Variants in MED23 observed in about 807,000 individuals in gnomAD.
The protein encoded by MED23 is mediator of RNA polymerase II transcription subunit 23.
Under a neutral mutation model 163.9 loss-of-function variants are expected in MED23, and 105 were observed. That is an observed-to-expected ratio of 0.64 (90% CI 0.55 to 0.75). MED23 has a LOEUF of 0.75. Among genes scored for constraint, MED23 ranks in the 30% least tolerant of loss-of-function variants. MED23 has a pLI of 0.00. For missense variants in MED23, 1,054 were observed against 1,649.0 expected, an observed-to-expected ratio of 0.64 and a Z score of 6.25; for synonymous variants, 561 against 565.6, an observed-to-expected ratio of 0.99 and a Z score of 0.12.
chr6:131,623,984 G>T (rs866549650), intron 4 of MED23, among the ~76,000 whole-genome samples: 2 of 151,996 alleles, frequency 1.3e-5, no homozygotes, highest in African/African-American at 4.8e-5. Context: ...TTTTTTACTT[G>T]TATGAAAGAT....
intron 10 of MED23, among the ~76,000 whole-genome samples, chr6:131,615,535 A>AAAAAAAAAAAAT (rs1776619084): frequency 7.0e-6 from 1 of 142,870 alleles, no homozygotes; most frequent in Non-Finnish European, 1.5e-5. Context: ...AAAAAAAAAA[A>AAAAAAAAAAAAT]TCAGCAAGAA....
downstream of MED23, chr6:131,582,641 C>T (rs752966614): frequency 5.0e-6 from 8 of 1,613,766 alleles, no homozygotes; most frequent in South Asian, 8.8e-5. Flanking sequence ...TGCCAGGATT[C>T]TCCTGGGTGA....
intron 12 of MED23, 61 bp downstream of exon 12, chr6:131,607,867 A>G: frequency 1.3e-6 from 2 of 1,562,510 alleles, no homozygotes; most frequent in Non-Finnish European, 8.8e-7. Context: ...AAATCCTTAA[A>G]CATAAATTAG....
At chr6:131,625,961 A>C (rs541154674) in intron 3 of MED23, among the ~76,000 whole-genome samples, 21 of 151,740 alleles carry the variant, frequency 1.4e-4, no homozygotes, top group Non-Finnish European at 2.4e-4. Flanking sequence ...TCTCTACTAA[A>C]AATACAAAAA....
At chr6:131,576,798 C>T in intron 30 of MED23, 1 of 1,395,258 alleles carries the variant, frequency 7.2e-7, no homozygotes, top group South Asian at 1.2e-5. Context: ...AAAGAGCAGG[C>T]CCCTGTGAAC....
intron 22 of MED23, among the ~76,000 whole-genome samples, chr6:131,594,652 T>C (rs1391421195): frequency 6.6e-6 from 1 of 152,180 alleles, no homozygotes; most frequent in Non-Finnish European, 1.5e-5. Flanking sequence ...CTGTTTATAC[T>C]AGCGAAAGAT....
At chr6:131,574,174 A>G (rs962945883) in exon 31 of MED23, 56 of 1,273,980 alleles carry the variant, frequency 4.4e-5, no homozygotes, top group Non-Finnish European at 6.2e-5. Flanking sequence ...AAAGAACAAA[A>G]TCAAACAAGA....
At chr6:131,578,195 A>G (rs1364047764) in intron 30 of MED23, among the ~76,000 whole-genome samples, 2 of 151,746 alleles carry the variant, frequency 1.3e-5, no homozygotes, top group African/African-American at 4.8e-5. Flanking sequence ...TTAAAAAAAA[A>G]AAAAAAAGAC....
intron 26 of MED23, 34 bp from the exon 27 acceptor site, chr6:131,590,476 G>A: frequency 2.0e-6 from 3 of 1,519,314 alleles, no homozygotes; most frequent in East Asian, 2.3e-5. Flanking sequence ...CCTGTGACTT[G>A]AAATTATTTA....
At chr6:131,595,829 A>C in intron 22 of MED23, 118 bp downstream of exon 22, 1 of 766,988 alleles carries the variant, frequency 1.3e-6, no homozygotes, top group Non-Finnish European at 2.2e-6. Flanking sequence ...TCCTCAAAAC[A>C]CTTCATTTTT....
At chr6:131,626,930 T>C (rs906926995) in intron 3 of MED23, 2 of 155,178 alleles carry the variant, frequency 1.3e-5, no homozygotes, top group Non-Finnish European at 2.9e-5. Context: ...TTTGTTACTT[T>C]TACAGTTTGT....
In MED23 at chr6:131,600,093, A is replaced by G; in HGVS notation, c.2165T>C (p.Phe722Ser). The change falls in exon 18 of 29, where the codon TTC becomes TCC. Residue 722 changes from phenylalanine (F) to serine (S), a missense_variant. Transcript: ENST00000368068. ...CKDILQTIMS[F>S]TPHNWASHTL... The stretch of plus-strand genomic sequence containing the variant: ...GTGTGAAGCCCAATTATGAGGAGTG[A>G]AACTCATGATGGTCTGAAGTATGTC... The G allele has an allele frequency of 2.5e-6, 4 of 1,613,724 alleles. No individual in the cohort carries two copies. Among genetic ancestry groups the G allele is most frequent in the East Asian group, 2.2e-5 (1 of 44,850 alleles).
At chr6:131,623,117 C>G (rs1357845246) in intron 5 of MED23, among the ~76,000 whole-genome samples, 1 of 152,186 alleles carries the variant, frequency 6.6e-6, no homozygotes, top group Non-Finnish European at 1.5e-5. Flanking sequence ...TGTGACTTCC[C>G]TGCTCTTCAT....
chr6:131,579,161 G>A (rs1773785683), intron 30 of MED23: 1 of 1,614,020 alleles, frequency 6.2e-7, no homozygotes, highest in Admixed American at 1.7e-5. Context: ...CATCCCTAAT[G>A]ACAGTCCCTT....
chr6:131,619,338 A>C (rs28687453), intron 8 of MED23, among the ~76,000 whole-genome samples: 1 of 152,216 alleles, frequency 6.6e-6, no homozygotes, highest in African/African-American at 2.4e-5. Flanking sequence ...ATAATTAAAG[A>C]GGATATGTGG....
chr6:131,581,320 C>T (rs765859028), intron 30 of MED23: 3 of 1,613,848 alleles, frequency 1.9e-6, no homozygotes, highest in African/African-American at 2.7e-5. Flanking sequence ...CTGACAACCA[C>T]AAGTGGAAAC....
In MED23 at chr6:131,592,993, C is replaced by A; in HGVS notation, c.3398+13G>T. 6.2e-7 allele frequency: 1 copy of A among 1,614,020 alleles called. No individual in the cohort carries two copies. Among genetic ancestry groups the A allele is most frequent in the Non-Finnish European group, 8.5e-7 (1 of 1,179,928 alleles). On this transcript the variant is annotated intron_variant, in intron 24 of 28. Transcript: ENST00000368068. ...TAAACAACAAATCTTACTGCATGAA[C>A]CAGAATACATACCTTTTTAGGACAA...
At chr6:131,579,043 G>C (rs1773777693) in intron 30 of MED23, 6 of 1,547,562 alleles carry the variant, frequency 3.9e-6, no homozygotes, top group Non-Finnish European at 4.4e-6. Flanking sequence ...ATACAATTGA[G>C]ATCATCCTAC....
At chr6:131,613,355 G>A (rs550857147) in intron 10 of MED23, among the ~76,000 whole-genome samples, 1 of 152,286 alleles carries the variant, frequency 6.6e-6, no homozygotes, top group African/African-American at 2.4e-5. Flanking sequence ...ATGACTTGCT[G>A]AATGTAACCA....
Sources: allele counts gnomAD v4.1 joint callset (sites outside exome capture counted in the v4.1 genomes callset), GRCh38; gene constraint gnomAD v4.1.1; transcripts MANE v1.5; gene names NCBI Gene and HGNC (gene_info 2026-07-23, HGNC 2026-07-21).